CAPRIN2: variants seen among roughly 807,000 people sequenced by gnomAD.
The protein encoded by CAPRIN2 is caprin-2.
CAPRIN2 carries 66 observed loss-of-function variants against 130.4 expected under a neutral mutation model. The ratio of observed to expected loss-of-function variants is 0.51; its 90% CI spans 0.42 to 0.62. The LOEUF is 0.62. CAPRIN2 is among the 20% of genes least tolerant of loss of function. The pLI is 0.00. For synonymous variants in CAPRIN2, 471 were observed against 444.1 expected, an observed-to-expected ratio of 1.06 and a Z score of -0.76; for missense variants, 1,185 against 1,246.6, an observed-to-expected ratio of 0.95 and a Z score of 0.74.
At chr12:30,754,569 C>CG (rs1213792769), upstream of CAPRIN2, 1 of 152,218 alleles carries the variant, frequency 6.6e-6, no homozygotes, top group Non-Finnish European at 1.5e-5. Context: ...TGCAAGGCCC[C>CG]GGGGGAGGCT....
chr12:30,712,100 A>C (rs2055039371), intron 15 of CAPRIN2, among the ~76,000 whole-genome samples: 1 of 152,144 alleles, frequency 6.6e-6, no homozygotes, highest in African/African-American at 2.4e-5. Flanking sequence ...AAAAAATTAT[A>C]TTGTATAAAT....
exon 5 of CAPRIN2, chr12:30,733,678 G>A: frequency 6.2e-7 from 1 of 1,613,538 alleles, no homozygotes; most frequent in Non-Finnish European, 8.5e-7. Flanking sequence ...GGTCCCAAAA[G>A]TACAAGGATG....
intron 2 of CAPRIN2, among the ~76,000 whole-genome samples, chr12:30,746,937 G>C (rs1379127530): frequency 6.6e-6 from 1 of 152,182 alleles, no homozygotes; most frequent in African/African-American, 2.4e-5. Context: ...TCTCCTATTG[G>C]AAGAAAGTGC....
chr12:30,734,882 ACACACT>A (rs66716788), intron 4 of CAPRIN2, 80 bp downstream of exon 5: 80,911 of 662,992 alleles, frequency 0.12, 2,891 homozygotes, highest in East Asian at 0.24. Flanking sequence ...ACACACACAC[ACACACT>A]CTCTCTCTCA....
At chr12:30,743,631 G>A (rs2068533165) in intron 2 of CAPRIN2, among the ~76,000 whole-genome samples, 1 of 152,054 alleles carries the variant, frequency 6.6e-6, no homozygotes, top group Non-Finnish European at 1.5e-5. Context: ...TCTCTCACCT[G>A]CTTTTAGCAC....
intron 2 of CAPRIN2, among the ~76,000 whole-genome samples, chr12:30,744,435 T>C (rs570194521): frequency 5.3e-5 from 8 of 152,260 alleles, no homozygotes; most frequent in African/African-American, 1.9e-4. Flanking sequence ...TCATCACCCA[T>C]CCACGTGACC....
rs2073574762 is a variant in CAPRIN2, at chr12:30,751,061, A to C, written c.483+10T>G. 1 of 1,608,296 alleles carries C rather than the reference A, an allele frequency of 6.2e-7. No individual in the cohort carries two copies. Among genetic ancestry groups the C allele is most frequent in the East Asian group, 2.2e-5 (1 of 44,828 alleles). ...CAGCAAGTCTTACTAAAAGATCATA[A>C]GCCACTTACCAACTGGTCTGGATTA... On this transcript the variant is annotated intron_variant, in intron 2 of 16. Transcript: ENST00000298892.
chr12:30,734,989 G>C (rs545107435), exon 4 of CAPRIN2: 2 of 1,612,590 alleles, frequency 1.2e-6, no homozygotes, highest in South Asian at 1.1e-5. Flanking sequence ...ATTTCTTTCA[G>C]GGCAGGTCAG....
At chr12:30,745,170 G>T (rs188360244) in intron 2 of CAPRIN2, among the ~76,000 whole-genome samples, 1 of 152,260 alleles carries the variant, frequency 6.6e-6, no homozygotes, top group Admixed American at 6.5e-5. Flanking sequence ...GCAAAAACAG[G>T]TACCACATTC....
chr12:30,730,092 AT>A, intron 7 of CAPRIN2, 146 bp downstream of exon 8: 1 of 628,686 alleles, frequency 1.6e-6, no homozygotes, highest in East Asian at 2.7e-5. Context: ...GCTGGACCAG[AT>A]TTCTTGCCCA....
chr12:30,725,850 A>T lies in CAPRIN2; in HGVS notation c.1905+116T>A, dbSNP rs1281911336. The T allele has an allele frequency of 3.7e-6, 3 of 803,414 alleles. No homozygotes were observed. In the East Asian group the frequency reaches 9.5e-5, roughly 25 times the overall value. 49.8% of individuals were successfully genotyped at this position (803,414 alleles called of 1,614,324 possible). A position where few individuals can be genotyped will look rare whatever the true frequency, so the allele number is the denominator to read the frequency against. Reference sequence around the variant, plus strand: ...GCCTAAACTCCAGGCTAGGAGAGCTAGGAGGCAGCAGAGCCAGGACTTGAC... The same window carrying T: ...GCCTAAACTCCAGGCTAGGAGAGCTTGGAGGCAGCAGAGCCAGGACTTGAC... On this transcript the variant is annotated intron_variant, in intron 9 of 16. Coordinates refer to ENST00000298892, the Ensembl canonical transcript of CAPRIN2.
At chr12:30,709,894 A>G in exon 17 of CAPRIN2, 1 of 1,600,168 alleles carries the variant, frequency 6.2e-7, no homozygotes, top group Non-Finnish European at 8.5e-7. Context: ...TCAATACTGT[A>G]CTGACTTTCA....
intron 2 of CAPRIN2, among the ~76,000 whole-genome samples, chr12:30,745,836 C>T (rs943451660): frequency 6.6e-6 from 1 of 152,088 alleles, no homozygotes; most frequent in Non-Finnish European, 1.5e-5. Flanking sequence ...GAAAACCACA[C>T]AAAATTATAA....
At chr12:30,730,831 A>G (rs959447040) in intron 6 of CAPRIN2, among the ~76,000 whole-genome samples, 2 of 152,240 alleles carry the variant, frequency 1.3e-5, no homozygotes, top group African/African-American at 4.8e-5. Flanking sequence ...TATTTCTTTA[A>G]TAAATCCAAC....
chr12:30,731,659 T>G, intron 5 of CAPRIN2, 149 bp from the exon 7 acceptor site: 1 of 635,216 alleles, frequency 1.6e-6, no homozygotes. Context: ...TTTACAACAG[T>G]TTACACTTTC....
intron 2 of CAPRIN2, among the ~76,000 whole-genome samples, chr12:30,750,217 G>C (rs1420385238): frequency 6.6e-6 from 1 of 152,124 alleles, no homozygotes; most frequent in East Asian, 1.9e-4. Context: ...AAAAATTCTG[G>C]GTCAGTGAAG....
At chr12:30,743,239 T>C (rs139036732) in intron 2 of CAPRIN2, among the ~76,000 whole-genome samples, 33 of 151,436 alleles carry the variant, frequency 2.2e-4, no homozygotes, top group African/African-American at 6.8e-4. Context: ...TCCCTCTCTA[T>C]TGATGCTTAA....
chr12:30,734,651 T>C (rs2063852329), intron 4 of CAPRIN2, among the ~76,000 whole-genome samples: 2 of 152,150 alleles, frequency 1.3e-5, no homozygotes, highest in South Asian at 4.1e-4. Context: ...TATAATATTA[T>C]ACTTGTACAG....
At chr12:30,748,894 T>G (rs1343960889) in intron 2 of CAPRIN2, among the ~76,000 whole-genome samples, 1 of 152,196 alleles carries the variant, frequency 6.6e-6, no homozygotes, top group Admixed American at 6.5e-5. Context: ...GACAAAATCC[T>G]TACTTTCATG....
Sources: gnomAD v4.1 joint callset for allele counts (sites outside exome capture counted in the v4.1 genomes callset) on GRCh38, gnomAD v4.1.1 for gene constraint, MANE v1.5 for transcripts, NCBI Gene and HGNC (gene_info 2026-07-23, HGNC 2026-07-21) for gene names.